ZNF536: variants seen among roughly 807,000 people sequenced by gnomAD.
ZNF536 encodes zinc finger protein 536.
In ZNF536, 13 loss-of-function variants were observed where a neutral mutation model predicts 84.5. The observed-to-expected ratio is 0.15, with a 90% CI of 0.10 to 0.24. The LOEUF (loss-of-function observed/expected upper bound fraction) is 0.24. ZNF536 is among the 10% of genes least tolerant of loss of function. The pLI, the probability that ZNF536 is intolerant of heterozygous loss-of-function variation, is 1.00. For synonymous variants in ZNF536, 811 were observed against 742.5 expected, an observed-to-expected ratio of 1.09 and a Z score of -1.50; for missense variants, 1,536 against 1,747.5, an observed-to-expected ratio of 0.88 and a Z score of 2.16.
intron 2 of ZNF536, among the ~76,000 whole-genome samples, chr19:30,311,241 C>A (rs1054527314): frequency 2.0e-4 from 31 of 152,168 alleles, no homozygotes; most frequent in Non-Finnish European, 3.7e-4. Context: ...TGTCCCTGAG[C>A]TCCTGACCAT....
chr19:30,256,425 G>T (rs147293251), intron 1 of ZNF536, among the ~76,000 whole-genome samples: 2 of 152,132 alleles, frequency 1.3e-5, no homozygotes, highest in Non-Finnish European at 2.9e-5. Context: ...AAAGCAATTC[G>T]CAGAAATGCC....
chr19:30,530,067 C>T (rs2044741735), intron 2 of ZNF536, among the ~76,000 whole-genome samples: 1 of 152,180 alleles, frequency 6.6e-6, no homozygotes, highest in Admixed American at 6.5e-5. Flanking sequence ...CCTCCAGGGA[C>T]ATCTCAGTCT....
chr19:30,415,595 G>A (rs866838941), intron 1 of ZNF536, among the ~76,000 whole-genome samples: 5 of 150,118 alleles, frequency 3.3e-5, no homozygotes, highest in Admixed American at 6.7e-5. Flanking sequence ...CATCGTCATC[G>A]TCATCATCAT....
At chr19:30,237,159 T>C (rs1248213622) in intron 1 of ZNF536, among the ~76,000 whole-genome samples, 1 of 152,028 alleles carries the variant, frequency 6.6e-6, no homozygotes, top group Non-Finnish European at 1.5e-5. Flanking sequence ...TAAGAAAACT[T>C]TTTCTCCCTT....
chr19:30,411,058 T>A (rs2050476001), intron 1 of ZNF536, among the ~76,000 whole-genome samples: 1 of 152,208 alleles, frequency 6.6e-6, no homozygotes, highest in African/African-American at 2.4e-5. Flanking sequence ...TTCCAATGGG[T>A]CAATGATTGA....
chr19:30,425,795 C>A (rs146654021), intron 1 of ZNF536, among the ~76,000 whole-genome samples: 177 of 152,300 alleles, frequency 1.2e-3, no homozygotes, highest in African/African-American at 4.1e-3. Flanking sequence ...AAGCAGGGAG[C>A]TGGCTACATC....
chr19:30,702,472 C>G (rs1328585638), intron 1 of ZNF536, among the ~76,000 whole-genome samples: 2 of 152,128 alleles, frequency 1.3e-5, no homozygotes, highest in East Asian at 1.9e-4. Context: ...TGGGGGGGCC[C>G]CCATCTGGCC....
chr19:30,305,506 G>A (rs2046316240), intron 2 of ZNF536, among the ~76,000 whole-genome samples: 1 of 152,214 alleles, frequency 6.6e-6, no homozygotes, highest in Non-Finnish European at 1.5e-5. Context: ...AATCAGCTCA[G>A]GCTGCTCTGC....
chr19:30,310,132 G>T (rs983831791), intron 2 of ZNF536, among the ~76,000 whole-genome samples: 1 of 152,162 alleles, frequency 6.6e-6, no homozygotes, highest in African/African-American at 2.4e-5. Context: ...ACATGGTGCT[G>T]GTCTTTCCGT....
intron 1 of ZNF536, among the ~76,000 whole-genome samples, chr19:30,664,848 G>A (rs867894912): frequency 1.3e-5 from 2 of 152,294 alleles, no homozygotes; most frequent in Middle Eastern, 3.4e-3. Flanking sequence ...GGAGGGCTGA[G>A]GGCTGATGTC....
At chr19:30,483,436 G>A (rs937128422) in intron 2 of ZNF536, among the ~76,000 whole-genome samples, 1 of 152,026 alleles carries the variant, frequency 6.6e-6, no homozygotes, top group Non-Finnish European at 1.5e-5. Flanking sequence ...TTCCGAATGG[G>A]TGTCTCCTGC....
intron 1 of ZNF536, among the ~76,000 whole-genome samples, chr19:30,386,035 A>G (rs10853906): frequency 0.98 from 148,964 of 152,290 alleles, 72,987 homozygotes; most frequent in Non-Finnish European, 0.99. Context: ...GTGGCCCAGA[A>G]CATTCTGATG....
At chr19:30,567,737 G>T (rs908163574) in intron 1 of ZNF536, among the ~76,000 whole-genome samples, 1 of 152,054 alleles carries the variant, frequency 6.6e-6, no homozygotes, top group African/African-American at 2.4e-5. Flanking sequence ...TCATTGTGCC[G>T]GACTCTGACC....
intron 1 of ZNF536, among the ~76,000 whole-genome samples, chr19:30,675,702 C>T (rs1010358296): frequency 6.6e-5 from 10 of 152,120 alleles, no homozygotes; most frequent in Non-Finnish European, 1.2e-4. Context: ...TGTCTCCTGG[C>T]GCCCAGAAAA....
chr19:30,452,381 G>A (rs188152664), intron 2 of ZNF536, among the ~76,000 whole-genome samples: 52 of 152,328 alleles, frequency 3.4e-4, no homozygotes, highest in African/African-American at 1.2e-3. Flanking sequence ...GGAAGGGTAA[G>A]GTAAGACTTT....
chr19:30,463,987 C>T (rs1025711805), intron 2 of ZNF536, among the ~76,000 whole-genome samples: 15 of 152,210 alleles, frequency 9.9e-5, no homozygotes, highest in African/African-American at 2.7e-4. Flanking sequence ...GCCTAAGAGG[C>T]GGCTCTAGGA....
chr19:30,601,291 G>T (rs963130221), intron 1 of ZNF536, among the ~76,000 whole-genome samples: 3 of 152,192 alleles, frequency 2.0e-5, no homozygotes, highest in African/African-American at 7.2e-5. Flanking sequence ...CAATCTGGGT[G>T]CTGGGACTCC....
chr19:30,328,189 C>T (rs2047097634), intron 2 of ZNF536, among the ~76,000 whole-genome samples: 1 of 152,142 alleles, frequency 6.6e-6, no homozygotes, highest in African/African-American at 2.4e-5. Context: ...CAGAACTCCC[C>T]AGGGGAGGTG....
intron 1 of ZNF536, among the ~76,000 whole-genome samples, chr19:30,271,012 T>C (rs1394456698): frequency 6.6e-6 from 1 of 152,094 alleles, no homozygotes; most frequent in Non-Finnish European, 1.5e-5. Context: ...AGAGAGAGAA[T>C]GCACTCTTTC....
Sources: allele counts gnomAD v4.1 joint callset (sites outside exome capture counted in the v4.1 genomes callset), GRCh38; gene constraint gnomAD v4.1.1; transcripts MANE v1.5; gene names NCBI Gene and HGNC (gene_info 2026-07-23, HGNC 2026-07-21).